The following ENTREP1 variants were observed in gnomAD, a reference collection of about 807,000 sequenced individuals.
The protein encoded by ENTREP1 is endosomal transmembrane epsin interactor 1.
chr9:69,364,608 C>T, the ENTREP1 span, among the ~76,000 whole-genome samples: 1 of 152,166 alleles, frequency 6.6e-6, no homozygotes, highest in South Asian at 2.1e-4. Context: ...TAGAGGCATC[C>T]ATTCTGAAGG....
the ENTREP1 span, among the ~76,000 whole-genome samples, chr9:69,356,917 C>T: frequency 6.6e-6 from 1 of 151,976 alleles, no homozygotes; most frequent in African/African-American, 2.4e-5. Flanking sequence ...TAGATATGTG[C>T]TGAGGGTCCT....
the ENTREP1 span, among the ~76,000 whole-genome samples, chr9:69,376,036 TTG>T: frequency 1.3e-5 from 2 of 152,212 alleles, no homozygotes; most frequent in African/African-American, 4.8e-5. Flanking sequence ...CCACAGATTA[TTG>T]TGTGTGTTAA....
At chr9:69,384,176 G>A in the ENTREP1 span, 1 of 578,920 alleles carries the variant, frequency 1.7e-6, no homozygotes, top group Non-Finnish European at 3.1e-6. Context: ...TGGACAACAT[G>A]GAGAGAGACC....
chr9:69,345,397 G>A, the ENTREP1 span, among the ~76,000 whole-genome samples: 2 of 152,132 alleles, frequency 1.3e-5, no homozygotes, highest in African/African-American at 2.4e-5. Context: ...GTACTTAGTT[G>A]TATAATTTGG....
the ENTREP1 span, among the ~76,000 whole-genome samples, chr9:69,349,192 A>C: frequency 9.0e-5 from 1 of 11,098 alleles, no homozygotes; most frequent in African/African-American, 4.5e-4. Context: ...CTCAAAAAAA[A>C]AAAAAAAAAA....
the ENTREP1 span, among the ~76,000 whole-genome samples, chr9:69,351,236 C>T: frequency 6.6e-6 from 1 of 152,112 alleles, no homozygotes; most frequent in Non-Finnish European, 1.5e-5. Flanking sequence ...TGCCTATTTT[C>T]AAGTTTCAGA....
the ENTREP1 span, among the ~76,000 whole-genome samples, chr9:69,347,881 G>A: frequency 6.6e-6 from 1 of 152,158 alleles, no homozygotes; most frequent in Admixed American, 6.5e-5. Context: ...AGAAGGAAAT[G>A]TAATTCCATG....
At chr9:69,336,219 C>A in the ENTREP1 span, 40 of 1,557,934 alleles carry the variant, frequency 2.6e-5, no homozygotes, top group Non-Finnish European at 3.3e-5. Context: ...ACAGGTGATA[C>A]TCTCTGGAAT....
the ENTREP1 span, chr9:69,375,967 A>G: frequency 7.8e-6 from 10 of 1,289,616 alleles, no homozygotes; most frequent in African/African-American, 4.4e-5. Flanking sequence ...CCCTCAAACA[A>G]TTAAGCTGCT....
chr9:69,330,580 A>G, the ENTREP1 span, among the ~76,000 whole-genome samples: 1 of 152,252 alleles, frequency 6.6e-6, no homozygotes, highest in Non-Finnish European at 1.5e-5. Context: ...TCAATGGACT[A>G]AACGAAAAAC....
chr9:69,389,623 G>A, the ENTREP1 span, among the ~76,000 whole-genome samples: 1 of 152,188 alleles, frequency 6.6e-6, no homozygotes, highest in South Asian at 2.1e-4. Context: ...TACTCCAGAT[G>A]TCATTGTCTG....
chr9:69,362,504 A>G, the ENTREP1 span, among the ~76,000 whole-genome samples: 19 of 152,370 alleles, frequency 1.2e-4, no homozygotes, highest in African/African-American at 4.1e-4. Context: ...GGCAGCTGGT[A>G]TAAGTATCAT....
the ENTREP1 span, among the ~76,000 whole-genome samples, chr9:69,344,250 C>T: frequency 0.79 from 120,902 of 152,206 alleles, 48,141 homozygotes; most frequent in South Asian, 0.87. Context: ...ATAATGTGTA[C>T]GGTCCTATCT....
chr9:69,333,712 A>G, the ENTREP1 span, among the ~76,000 whole-genome samples: 1 of 152,180 alleles, frequency 6.6e-6, no homozygotes, highest in Non-Finnish European at 1.5e-5. Context: ...AATAATTCAA[A>G]TCATATTTTT....
chr9:69,358,881 T>C, the ENTREP1 span, among the ~76,000 whole-genome samples: 1 of 146,374 alleles, frequency 6.8e-6, no homozygotes, highest in Non-Finnish European at 1.5e-5. Flanking sequence ...AAAGCCTTTT[T>C]TTTTCTTTTT....
chr9:69,347,885 T>G, the ENTREP1 span, among the ~76,000 whole-genome samples: 1 of 152,146 alleles, frequency 6.6e-6, no homozygotes, highest in Non-Finnish European at 1.5e-5. Context: ...GGAAATGTAA[T>G]TCCATGTTAT....
the ENTREP1 span, chr9:69,336,337 A>G: frequency 1.1e-5 from 10 of 928,956 alleles, no homozygotes; most frequent in Admixed American, 1.1e-4. Context: ...GTTCATATAA[A>G]CCACTGAAGA....
chr9:69,388,319 A>G, the ENTREP1 span: 1 of 1,614,104 alleles, frequency 6.2e-7, no homozygotes, highest in Admixed American at 1.7e-5. Context: ...GCTGGTGGCG[A>G]GGTTCCTGGA....
chr9:69,379,198 G>C, the ENTREP1 span, among the ~76,000 whole-genome samples: 7 of 152,222 alleles, frequency 4.6e-5, no homozygotes, highest in Non-Finnish European at 7.3e-5. Flanking sequence ...GGTTTTTAGA[G>C]AAGTATTTTC....
Sources: allele counts gnomAD v4.1 joint callset (sites outside exome capture counted in the v4.1 genomes callset), GRCh38; gene constraint gnomAD v4.1.1; transcripts MANE v1.5; gene names NCBI Gene and HGNC (gene_info 2026-07-23, HGNC 2026-07-21).